The following HACE1 variants were observed in gnomAD, a reference collection of about 807,000 sequenced individuals.
The protein encoded by HACE1 is HECT domain and ankyrin repeat containing E3 ubiquitin protein ligase 1, also known as E3 ubiquitin-protein ligase HACE1.
Under a neutral mutation model 118.4 loss-of-function variants are expected in HACE1, and 73 were observed. The ratio of observed to expected loss-of-function variants is 0.62; its 90% CI spans 0.51 to 0.75. The LOEUF (loss-of-function observed/expected upper bound fraction) is 0.75, where lower values mean the gene tolerates loss of function less well. Ranked by LOEUF, HACE1 falls within the 30% of genes least tolerant of loss-of-function variation. HACE1 has a pLI of 0.00. For synonymous variants in HACE1, 368 were observed against 374.8 expected, an observed-to-expected ratio of 0.98 and a Z score of 0.21; for missense variants, 749 against 1,102.2, an observed-to-expected ratio of 0.68 and a Z score of 4.54.
rs373862529 is a variant in HACE1 at position 104,784,969 on chromosome 6, G to A, written c.1409+16C>T. ...CTATCAGAGAAAAAAAAAATAATAA[G>A]CCAAAACTTTCTTACCCCGGAGGCA... On this transcript the variant is annotated intron_variant, in intron 12 of 23. Coordinates refer to ENST00000262903, the MANE Select transcript of HACE1 (RefSeq NM_020771.4). 1.3e-6 allele frequency: 2 copies of A among 1,562,098 alleles called. No individual in the cohort carries two copies. Among genetic ancestry groups the A allele is most frequent in the African/African-American group, 2.7e-5 (2 of 73,662 alleles).
In HACE1 at chr6:104,729,730, T is replaced by C. The variant is rs1296957696; in HGVS notation, c.2662A>G (p.Lys888Glu). The C allele has an allele frequency of 5.1e-6, 8 of 1,568,946 alleles. No individual in the cohort carries two copies. The highest frequency in any genetic ancestry group is 7.0e-6 in the Non-Finnish European group (8 of 1,139,414). ...AGAAGTCTGTCCTTGAGTATTTCTT[T>C]ACTTGGGTATTCAGGTAACTTGAGC... is the stretch of plus-strand genomic sequence containing the variant. Reference protein sequence around the residue: ...NMLKLPEYPSKEILKDRLLVA... With the variant: ...NMLKLPEYPSEEILKDRLLVA... Residue 888 changes from lysine to glutamate, a missense_variant, in exon 24 of 24, where the codon AAA becomes GAA. Lys to Glu is a moderately conservative substitution (Grantham distance 56, BLOSUM62 1). Around this residue, in one of 5 missense-constraint regions of HACE1, gnomAD observed 165 missense variants for 229.9 expected, o/e 0.72. Coordinates refer to ENST00000262903, the MANE Select transcript of HACE1 (RefSeq NM_020771.4).
chr6:104,765,095 G>T (rs1449096302), intron 19 of HACE1, among the ~76,000 whole-genome samples: 1 of 152,130 alleles, frequency 6.6e-6, no homozygotes, highest in Non-Finnish European at 1.5e-5. Flanking sequence ...TCAGTCACAT[G>T]GCTGAATTAA....
At chr6:104,769,208 T>C (rs954762081) in intron 19 of HACE1, among the ~76,000 whole-genome samples, 4 of 152,122 alleles carry the variant, frequency 2.6e-5, no homozygotes, top group Admixed American at 1.3e-4. Flanking sequence ...CTAATTTTTT[T>C]ATTTTTTATA....
chr6:104,760,820 CCTT>C (rs1456521067), intron 19 of HACE1, among the ~76,000 whole-genome samples: 3 of 152,182 alleles, frequency 2.0e-5, no homozygotes, highest in African/African-American at 7.2e-5. Context: ...CGCAAAATCT[CCTT>C]AAGCTGATAA....
At chr6:104,788,398 T>G (rs1363243010) in intron 11 of HACE1, among the ~76,000 whole-genome samples, 1 of 152,130 alleles carries the variant, frequency 6.6e-6, no homozygotes. Flanking sequence ...TTTTAAGTCA[T>G]ATTTCAAAAT....
chr6:104,857,187 T>TTACATATATATTTACATATATATA, intron 1 of HACE1, among the ~76,000 whole-genome samples: 1 of 145,794 alleles, frequency 6.9e-6, no homozygotes, highest in African/African-American at 2.5e-5. Context: ...ACATATATAT[T>TTACATATATATTTACATATATATA]TACATATATA....
rs189188733 is a variant in HACE1 at position 104,737,618 on chromosome 6, G to A, written c.2513+6542C>T. Among the ~76,000 whole-genome samples the A allele has an allele frequency of 6.0e-3, 915 of 152,308 alleles. 12 individuals are homozygous for A. Among genetic ancestry groups the A allele is most frequent in the African/African-American group, 0.021 (881 of 41,580 alleles). On this transcript the variant is annotated intron_variant, in intron 22 of 23. Transcript: ENST00000262903. ...TCCCACCCGAATACTGCGCTTTTCC[G>A]ATGGGCTTAAAAAACGGCGCACCAC...
intron 11 of HACE1, among the ~76,000 whole-genome samples, chr6:104,789,927 G>C (rs552600279): frequency 2.0e-5 from 3 of 152,234 alleles, no homozygotes; most frequent in South Asian, 4.1e-4. Flanking sequence ...CTGACAAAAA[G>C]AGTAGGTCAA....
intron 21 of HACE1, 67 bp downstream of exon 21, chr6:104,744,445 G>T: frequency 1.1e-6 from 1 of 936,884 alleles, no homozygotes. Context: ...TCATCCAATA[G>T]TGCTGAAAAG....
intron 22 of HACE1, among the ~76,000 whole-genome samples, chr6:104,739,362 A>G (rs982128525): frequency 3.3e-5 from 5 of 152,224 alleles, no homozygotes; most frequent in African/African-American, 1.2e-4. Flanking sequence ...ATTAAAAGAC[A>G]CAGACTGGCA....
chr6:104,772,880 G>A (rs1562335948), intron 17 of HACE1, among the ~76,000 whole-genome samples: 1 of 152,004 alleles, frequency 6.6e-6, no homozygotes. Context: ...ATTGCTTAAC[G>A]GGTACAGAAT....
Position 104,732,256 on chromosome 6 carries a change from T to A in HACE1, c.2514-1840A>T, listed in dbSNP as rs146782864. 8.5e-5 allele frequency: 13 copies of A among 152,264 alleles called. No homozygotes were observed. In the East Asian group the frequency reaches 1.5e-3, roughly 18 times the overall value. 9.4% of individuals were successfully genotyped at this position (152,264 alleles called of 1,614,324 possible). A position where few individuals can be genotyped will look rare whatever the true frequency, so the allele number is the denominator to read the frequency against. On this transcript the variant is annotated intron_variant, in intron 22 of 23. Transcript: ENST00000262903. ...CTGAAAGCACGGACTCAAAGAAGTA[T>A]CTGCGCATACAGCAGCATTATTCAC...
chr6:104,816,316 T>C (rs2114994365), intron 6 of HACE1, among the ~76,000 whole-genome samples: 1 of 152,286 alleles, frequency 6.6e-6, no homozygotes, highest in Non-Finnish European at 1.5e-5. Context: ...GAAAATGGCT[T>C]CACAGGCCGG....
chr6:104,835,003 T>C (rs1249466332), intron 5 of HACE1, among the ~76,000 whole-genome samples: 1 of 152,144 alleles, frequency 6.6e-6, no homozygotes, highest in Non-Finnish European at 1.5e-5. Context: ...AAAGGGGAGA[T>C]TAAGTGCAAG....
intron 22 of HACE1, among the ~76,000 whole-genome samples, chr6:104,743,210 C>T (rs1193421993): frequency 6.7e-6 from 1 of 149,572 alleles, no homozygotes; most frequent in Non-Finnish European, 1.5e-5. Flanking sequence ...ATACCTAATG[C>T]TAGATGACGA....
chr6:104,822,911 G>A (rs1358478084), intron 6 of HACE1, among the ~76,000 whole-genome samples: 1 of 151,920 alleles, frequency 6.6e-6, no homozygotes, highest in Non-Finnish European at 1.5e-5. Flanking sequence ...TATTTATACT[G>A]TAGCGCTTAC....
chr6:104,858,499 A>G, intron 1 of HACE1: 1 of 398,554 alleles, frequency 2.5e-6, no homozygotes, highest in South Asian at 1.8e-5. Context: ...CAGGAGTTCA[A>G]GACCAGCCTG....
intron 22 of HACE1, 81 bp from the exon 23 acceptor site, chr6:104,730,497 T>C: frequency 2.6e-6 from 2 of 765,238 alleles, no homozygotes; most frequent in Non-Finnish European, 2.3e-6. Context: ...TAAGTTAGGG[T>C]AGGAATATAT....
intron 19 of HACE1, among the ~76,000 whole-genome samples, chr6:104,763,174 AG>A (rs1192320258): frequency 6.6e-6 from 1 of 152,118 alleles, no homozygotes; most frequent in East Asian, 1.9e-4. Flanking sequence ...CATTGTTGAC[AG>A]GAAGATACCA....
Sources: allele counts gnomAD v4.1 joint callset (sites outside exome capture counted in the v4.1 genomes callset), GRCh38; gene constraint gnomAD v4.1.1; regional missense constraint gnomAD v4.1.1; transcripts MANE v1.5; gene names NCBI Gene and HGNC (gene_info 2026-07-23, HGNC 2026-07-21).